BTBD9: variants seen among roughly 807,000 people sequenced by gnomAD.
BTBD9 encodes BTB/POZ domain-containing protein 9.
Under a neutral mutation model 64.3 loss-of-function variants are expected in BTBD9, and 49 were observed. The observed-to-expected ratio is 0.76, with a 90% confidence interval of 0.61 to 0.97. The LOEUF is 0.97. BTBD9 is among the 50% of genes least tolerant of loss of function. BTBD9 has a pLI of 0.00. For missense variants in BTBD9, 598 were observed against 762.1 expected (o/e 0.78, Z 2.53); for synonymous variants, 260 against 274.7 (o/e 0.95, Z 0.53).
intron 6 of BTBD9, among the ~76,000 whole-genome samples, chr6:38,564,754 T>C (rs796481989): frequency 7.9e-5 from 12 of 152,074 alleles, no homozygotes; most frequent in African/African-American, 2.7e-4. Flanking sequence ...TAGCTGGGCG[T>C]GGTGGTAGGC....
intron 6 of BTBD9, among the ~76,000 whole-genome samples, chr6:38,515,185 C>T (rs951503133): frequency 1.3e-5 from 2 of 152,274 alleles, no homozygotes; most frequent in African/African-American, 4.8e-5. Flanking sequence ...TACTTCTATT[C>T]CACAGACTTT....
chr6:38,287,297 T>A (rs1289523757), intron 8 of BTBD9, among the ~76,000 whole-genome samples: 1 of 151,360 alleles, frequency 6.6e-6, no homozygotes, highest in Non-Finnish European at 1.5e-5. Flanking sequence ...AGGTGTACCA[T>A]TTTTTATGTT....
chr6:38,287,082 CAAAAAA>C (rs60618390), intron 8 of BTBD9, among the ~76,000 whole-genome samples: 5 of 25,364 alleles, frequency 2.0e-4, no homozygotes, highest in Non-Finnish European at 2.4e-4. Context: ...GGCTCCATCT[CAAAAAA>C]AAAAAAAAAA....
In BTBD9 at chr6:38,294,078, T is replaced by C. The variant is rs145912592; in HGVS notation, c.1265-5617A>G. Among the ~76,000 whole-genome samples, 550 of 152,250 alleles carry C rather than the reference T, an allele frequency of 3.6e-3. 11 individuals carry two copies. The East Asian group carries it at 0.081, about 23-fold the overall frequency. On this transcript the variant is annotated intron_variant, in intron 7 of 10. Transcript: ENST00000481247. ...CAAACGTATGAAAAAAAGCTCAACA[T>C]CACTGGCCATTAGAGAAATGCAAAT...
At chr6:38,289,649 C>CT (rs566865157) in intron 7 of BTBD9, among the ~76,000 whole-genome samples, 8 of 151,972 alleles carry the variant, frequency 5.3e-5, no homozygotes, top group East Asian at 3.9e-4. Flanking sequence ...TGATTAATTT[C>CT]TTTTTTTTGT....
chr6:38,177,004 A>G (rs901736475), intron 10 of BTBD9, among the ~76,000 whole-genome samples: 2 of 152,046 alleles, frequency 1.3e-5, no homozygotes, highest in African/African-American at 4.8e-5. Flanking sequence ...TTGCAGTATG[A>G]CCCAGAGCCA....
At chr6:38,638,876 T>C (rs936942750) in intron 1 of BTBD9, among the ~76,000 whole-genome samples, 38 of 152,178 alleles carry the variant, frequency 2.5e-4, no homozygotes, top group African/African-American at 7.2e-4. Context: ...CCTATACATC[T>C]ACCCATGATA....
At chr6:38,182,544 C>T (rs1275343610) in intron 10 of BTBD9, among the ~76,000 whole-genome samples, 1 of 152,210 alleles carries the variant, frequency 6.6e-6, no homozygotes, top group African/African-American at 2.4e-5. Context: ...ACCAAGAGAG[C>T]CTAGCCATGG....
At chr6:38,424,925 G>A (rs922361008) in intron 6 of BTBD9, among the ~76,000 whole-genome samples, 10 of 151,528 alleles carry the variant, frequency 6.6e-5, no homozygotes, top group African/African-American at 2.2e-4. Flanking sequence ...TGCAACCTCC[G>A]CCACCCAGGT....
chr6:38,255,954 G>T (rs996883713), intron 9 of BTBD9, among the ~76,000 whole-genome samples: 9 of 151,920 alleles, frequency 5.9e-5, no homozygotes, highest in Non-Finnish European at 1.3e-4. Flanking sequence ...AGCATTAAGA[G>T]AAATACCTAA....
chr6:38,521,217 G>A (rs1265646985), intron 6 of BTBD9, among the ~76,000 whole-genome samples: 5 of 151,680 alleles, frequency 3.3e-5, no homozygotes, highest in Non-Finnish European at 5.9e-5. Flanking sequence ...TATGGTTTAG[G>A]GAAAATCAGT....
intron 6 of BTBD9, among the ~76,000 whole-genome samples, chr6:38,362,178 AT>A (rs1403000175): frequency 6.6e-6 from 1 of 152,194 alleles, no homozygotes; most frequent in Non-Finnish European, 1.5e-5. Flanking sequence ...CAAATGTCAC[AT>A]ATTTTATGTA....
At chr6:38,266,605 G>GGAAAGAAAGAAAGAAAGAAA (rs200322291) in intron 8 of BTBD9, among the ~76,000 whole-genome samples, 14 of 107,192 alleles carry the variant, frequency 1.3e-4, no homozygotes, top group East Asian at 2.9e-4. Flanking sequence ...AGGAAAGAAA[G>GGAAAGAAAGAAAGAAAGAAA]GAAAGAAAGA....
chr6:38,553,891 T>C (rs1774913492), intron 6 of BTBD9, among the ~76,000 whole-genome samples: 1 of 151,880 alleles, frequency 6.6e-6, no homozygotes, highest in Non-Finnish European at 1.5e-5. Context: ...TACTAAACCA[T>C]TGGGAACAGG....
chr6:38,484,580 A>T (rs1771312761), intron 6 of BTBD9, among the ~76,000 whole-genome samples: 1 of 152,210 alleles, frequency 6.6e-6, no homozygotes, highest in South Asian at 2.1e-4. Context: ...CCTATGAGAC[A>T]GGTACAGGGA....
intron 9 of BTBD9, among the ~76,000 whole-genome samples, chr6:38,229,831 G>A (rs568696636): frequency 2.6e-5 from 4 of 152,232 alleles, no homozygotes; most frequent in South Asian, 4.1e-4. Context: ...TGGAGAGATC[G>A]TTTTGAATTT....
chr6:38,439,110 C>CTTTTTTTTTTTTT (rs35699356), intron 6 of BTBD9, among the ~76,000 whole-genome samples: 14 of 64,050 alleles, frequency 2.2e-4, no homozygotes, highest in African/African-American at 9.6e-4. Flanking sequence ...TAGCAACTGA[C>CTTTTTTTTTTTTT]TTTTTTTTTT....
intron 8 of BTBD9, among the ~76,000 whole-genome samples, chr6:38,259,466 A>C (rs985282439): frequency 2.0e-5 from 3 of 152,146 alleles, no homozygotes; most frequent in Non-Finnish European, 2.9e-5. Context: ...GCAGTGGTGC[A>C]ATCATAGCTC....
At chr6:38,367,657 T>G (rs952010477) in intron 6 of BTBD9, among the ~76,000 whole-genome samples, 1 of 152,096 alleles carries the variant, frequency 6.6e-6, no homozygotes, top group Non-Finnish European at 1.5e-5. Context: ...AGACCACAAA[T>G]GGTGCTTTCT....
Sources: allele counts gnomAD v4.1 joint callset (sites outside exome capture counted in the v4.1 genomes callset), GRCh38; gene constraint gnomAD v4.1.1; transcripts MANE v1.5; gene names NCBI Gene and HGNC (gene_info 2026-07-23, HGNC 2026-07-21).